Variants in PTPRD observed in about 807,000 individuals in gnomAD.
PTPRD encodes protein tyrosine phosphatase receptor type D, also known as receptor-type tyrosine-protein phosphatase delta.
In PTPRD, 34 loss-of-function variants were observed where a neutral mutation model predicts 214.5. That is an observed-to-expected ratio of 0.16 (90% CI 0.12 to 0.21). The LOEUF is 0.21. Among genes scored for constraint, PTPRD ranks in the 10% least tolerant of loss-of-function variants. PTPRD has a pLI of 1.00. For synonymous variants in PTPRD, 1,128 were observed against 845.7 expected (o/e 1.33, Z -5.79); for missense variants, 2,545 against 2,398.7 (o/e 1.06, Z -1.27).
At chr9:9,091,524 A>G (rs1440667772) in intron 10 of PTPRD, among the ~76,000 whole-genome samples, 1 of 152,162 alleles carries the variant, frequency 6.6e-6, no homozygotes, top group African/African-American at 2.4e-5. Flanking sequence ...GCAATTAGTA[A>G]TAGTCCCCAT....
intron 20 of PTPRD, among the ~76,000 whole-genome samples, chr9:8,519,130 T>C (rs2097843570): frequency 6.6e-6 from 1 of 152,176 alleles, no homozygotes; most frequent in Non-Finnish European, 1.5e-5. Flanking sequence ...TTCAAATCAA[T>C]GCTTTATTCT....
intron 4 of PTPRD, among the ~76,000 whole-genome samples, chr9:10,027,009 C>G (rs1218747726): frequency 2.0e-5 from 3 of 152,030 alleles, no homozygotes; most frequent in Non-Finnish European, 4.4e-5. Context: ...AATGTATTGT[C>G]TGCAATAATA....
intron 14 of PTPRD, among the ~76,000 whole-genome samples, chr9:8,601,993 G>A (rs1354632600): frequency 1.3e-5 from 2 of 152,066 alleles, no homozygotes; most frequent in African/African-American, 2.4e-5. Context: ...GTAGTGCACT[G>A]CAAGGACAGA....
intron 4 of PTPRD, among the ~76,000 whole-genome samples, chr9:9,979,745 C>A (rs2095476249): frequency 6.6e-6 from 1 of 151,942 alleles, no homozygotes; most frequent in African/African-American, 2.4e-5. Context: ...GGGAATTTAC[C>A]AAACAGATTT....
chr9:9,885,233 A>C (rs977272628), intron 5 of PTPRD, among the ~76,000 whole-genome samples: 1 of 152,114 alleles, frequency 6.6e-6, no homozygotes, highest in Non-Finnish European at 1.5e-5. Flanking sequence ...TAAAAATTAG[A>C]AATTACTAAA....
intron 3 of PTPRD, among the ~76,000 whole-genome samples, chr9:10,231,074 C>G (rs546421491): frequency 6.6e-6 from 1 of 151,862 alleles, no homozygotes; most frequent in African/African-American, 2.4e-5. Context: ...AGAAGCTTGC[C>G]TGAAATGGAA....
chr9:9,818,007 G>T (rs1189357694), intron 5 of PTPRD, among the ~76,000 whole-genome samples: 3 of 152,148 alleles, frequency 2.0e-5, no homozygotes, highest in African/African-American at 7.2e-5. Flanking sequence ...TCCAAGGGCT[G>T]ATCTTGGGGA....
chr9:9,263,378 G>C (rs564593139), intron 9 of PTPRD, among the ~76,000 whole-genome samples: 1 of 151,642 alleles, frequency 6.6e-6, no homozygotes, highest in South Asian at 2.1e-4. Flanking sequence ...CACCTTCTCA[G>C]TTTAGTTCAA....
chr9:8,331,795 G>T, intron 43 of PTPRD, 59 bp from the exon 44 acceptor site: 6 of 1,502,174 alleles, frequency 4.0e-6, no homozygotes, highest in Non-Finnish European at 5.3e-6. Context: ...GATTCAGCAA[G>T]CATACGGACC....
intron 10 of PTPRD, among the ~76,000 whole-genome samples, chr9:9,040,082 A>G (rs1178691901): frequency 1.3e-5 from 2 of 151,786 alleles, no homozygotes; most frequent in Non-Finnish European, 2.9e-5. Flanking sequence ...TTGAGGATCT[A>G]CTCTGTGCTA....
intron 6 of PTPRD, among the ~76,000 whole-genome samples, chr9:9,758,147 G>T (rs369089225): frequency 2.2e-5 from 2 of 91,184 alleles, no homozygotes; most frequent in African/African-American, 5.9e-5. Flanking sequence ...AGTAAAAATG[G>T]CAAAAAAAAA....
intron 2 of PTPRD, among the ~76,000 whole-genome samples, chr9:10,402,349 C>T (rs2098282705): frequency 6.6e-6 from 1 of 151,612 alleles, no homozygotes; most frequent in Non-Finnish European, 1.5e-5. Flanking sequence ...ATTCCAATTC[C>T]TAAGATATGT....
chr9:9,576,187 A>G (rs1443422278), intron 7 of PTPRD, among the ~76,000 whole-genome samples: 1 of 152,208 alleles, frequency 6.6e-6, no homozygotes, highest in East Asian at 1.9e-4. Context: ...ATAATTGAAG[A>G]AAATAGTTTA....
chr9:8,436,517 A>C (rs993048083), intron 35 of PTPRD, 75 bp downstream of exon 35: 10 of 1,176,046 alleles, frequency 8.5e-6, no homozygotes, highest in Non-Finnish European at 1.2e-5. Flanking sequence ...GATGAAGTTA[A>C]TTTTCAAGAA....
intron 9 of PTPRD, among the ~76,000 whole-genome samples, chr9:9,323,515 G>C (rs1365970376): frequency 6.6e-6 from 1 of 152,104 alleles, no homozygotes; most frequent in Non-Finnish European, 1.5e-5. Flanking sequence ...ATTTTTAATA[G>C]TCTATTTTCT....
At chr9:10,307,787 T>C (rs1472644941) in intron 3 of PTPRD, among the ~76,000 whole-genome samples, 1 of 152,020 alleles carries the variant, frequency 6.6e-6, no homozygotes, top group African/African-American at 2.4e-5. Flanking sequence ...TATATCATTG[T>C]GGTTTGGGTT....
intron 5 of PTPRD, among the ~76,000 whole-genome samples, chr9:9,908,025 A>G (rs887119745): frequency 6.6e-6 from 1 of 151,966 alleles, no homozygotes; most frequent in African/African-American, 2.4e-5. Flanking sequence ...GTATACAGTG[A>G]GATTATAATA....
At chr9:9,007,128 C>G (rs1223109701) in intron 11 of PTPRD, among the ~76,000 whole-genome samples, 2 of 151,660 alleles carry the variant, frequency 1.3e-5, no homozygotes, top group African/African-American at 4.8e-5. Context: ...TTAAGGAAAT[C>G]AAAATGAAAA....
intron 9 of PTPRD, among the ~76,000 whole-genome samples, chr9:9,191,366 G>C (rs1018326055): frequency 6.6e-6 from 1 of 151,990 alleles, no homozygotes; most frequent in Non-Finnish European, 1.5e-5. Flanking sequence ...CTTTCATTTG[G>C]TCCTTGAAAT....
Sources: allele counts gnomAD v4.1 joint callset (sites outside exome capture counted in the v4.1 genomes callset), GRCh38; gene constraint gnomAD v4.1.1; transcripts MANE v1.5; gene names NCBI Gene and HGNC (gene_info 2026-07-23, HGNC 2026-07-21).